The following SNX29 variants were observed in gnomAD, a reference collection of about 807,000 sequenced individuals.
The protein encoded by SNX29 is sorting nexin-29.
In SNX29, 78 loss-of-function variants were observed where a neutral mutation model predicts 102.1. The ratio of observed to expected loss-of-function variants is 0.76; its 90% CI spans 0.64 to 0.92. The LOEUF (loss-of-function observed/expected upper bound fraction) is 0.92. Among genes scored for constraint, SNX29 ranks in the 40% least tolerant of loss-of-function variants. SNX29 has a pLI of 0.00. For missense variants in SNX29, 1,280 were observed against 1,061.7 expected (o/e 1.21, Z -2.86); for synonymous variants, 580 against 414.5 (o/e 1.40, Z -4.85).
chr16:12,359,127 G>A (rs2082229383), intron 16 of SNX29, among the ~76,000 whole-genome samples: 2 of 152,138 alleles, frequency 1.3e-5, no homozygotes, highest in Non-Finnish European at 2.9e-5. Flanking sequence ...CGGTCTTGTG[G>A]GACTGAGCCT....
rs2079195775 is a variant in SNX29 at position 12,571,901 on chromosome 16, C to T, written c.*3272C>T. ...TGGAGCTGAGGTTCAAAGCCCCCTG[C>T]ATTTCTCTACTGGCAGGCCCTGGTG... On this transcript the variant is annotated 3_prime_UTR_variant, in exon 21 of 21. Transcript: ENST00000566228. The T allele has an allele frequency of 2.8e-6, 3 of 1,061,982 alleles. No homozygotes were observed. Among genetic ancestry groups the T allele is most frequent in the Non-Finnish European group, 3.4e-6 (3 of 877,176 alleles). 65.8% of individuals were successfully genotyped at this position (1,061,982 alleles called of 1,614,324 possible).
chr16:12,178,179 G>A (rs953229983), intron 13 of SNX29, among the ~76,000 whole-genome samples: 1 of 152,170 alleles, frequency 6.6e-6, no homozygotes, highest in Non-Finnish European at 1.5e-5. Context: ...GGGACAAGAC[G>A]CACAGGGACC....
At chr16:12,014,178 C>T (rs1200777803) in intron 3 of SNX29, among the ~76,000 whole-genome samples, 1 of 152,014 alleles carries the variant, frequency 6.6e-6, no homozygotes, top group Non-Finnish European at 1.5e-5. Context: ...ACTTGGAGAT[C>T]CCATTGACTA....
chr16:12,419,076 A>G (rs1184307717), intron 18 of SNX29, among the ~76,000 whole-genome samples: 2 of 152,116 alleles, frequency 1.3e-5, no homozygotes, highest in East Asian at 3.9e-4. Flanking sequence ...AGAATATCCT[A>G]TCCCAAAATG....
chr16:12,038,610 T>TAGAATTACTGTG (rs1473365915), intron 4 of SNX29: 1 of 152,214 alleles, frequency 6.6e-6, no homozygotes, highest in Non-Finnish European at 1.5e-5. Context: ...ATTCTGGCAG[T>TAGAATTACTGTG]GGAAGCGGAA....
intron 15 of SNX29, among the ~76,000 whole-genome samples, chr16:12,334,402 T>A (rs1015606219): frequency 2.6e-5 from 4 of 152,088 alleles, no homozygotes; most frequent in African/African-American, 9.7e-5. Flanking sequence ...GGGAAAAAAA[T>A]CATCCCCGGG....
intron 19 of SNX29, among the ~76,000 whole-genome samples, chr16:12,488,789 A>T (rs1246848180): frequency 6.6e-6 from 1 of 152,132 alleles, no homozygotes; most frequent in Non-Finnish European, 1.5e-5. Context: ...GTTCCTGGTG[A>T]CAAAGAAAAT....
intron 18 of SNX29, among the ~76,000 whole-genome samples, chr16:12,436,521 A>C (rs1478854075): frequency 1.3e-5 from 2 of 152,168 alleles, no homozygotes; most frequent in Non-Finnish European, 2.9e-5. Context: ...CATACCCCTG[A>C]CTGCTCAGGC....
At chr16:11,986,374 T>A (rs1294710247) in intron 1 of SNX29, among the ~76,000 whole-genome samples, 48 of 131,060 alleles carry the variant, frequency 3.7e-4, no homozygotes, top group Admixed American at 3.9e-4. Context: ...TCCTACAACT[T>A]AAAAAAAAAA....
chr16:12,554,706 G>C (rs541372696), intron 20 of SNX29, among the ~76,000 whole-genome samples: 1 of 152,286 alleles, frequency 6.6e-6, no homozygotes, highest in Admixed American at 6.5e-5. Flanking sequence ...CCCATGCCTG[G>C]TGACAGCTGT....
intron 18 of SNX29, among the ~76,000 whole-genome samples, chr16:12,472,703 C>G (rs2087416943): frequency 6.6e-6 from 1 of 152,116 alleles, no homozygotes; most frequent in Non-Finnish European, 1.5e-5. Flanking sequence ...GAGACCTTAT[C>G]TCTACTAGAG....
At chr16:12,549,583 G>C (rs114576344) in intron 20 of SNX29, among the ~76,000 whole-genome samples, 1 of 152,108 alleles carries the variant, frequency 6.6e-6, no homozygotes, top group Admixed American at 6.5e-5. Flanking sequence ...CCAGCCCTAA[G>C]ACCTGCACCT....
At chr16:12,461,955 CAAAAAAAAAA>C (rs1157975063) in intron 18 of SNX29, among the ~76,000 whole-genome samples, 1 of 25,496 alleles carries the variant, frequency 3.9e-5, no homozygotes, top group African/African-American at 1.5e-4. Context: ...GACTCTGTCT[CAAAAAAAAAA>C]AAAAAAAAAA....
intron 18 of SNX29, among the ~76,000 whole-genome samples, chr16:12,413,512 G>A (rs1415154119): frequency 6.6e-6 from 1 of 152,124 alleles, no homozygotes; most frequent in Admixed American, 6.5e-5. Context: ...GAGACAGCAG[G>A]AAGGATACTG....
chr16:12,562,913 C>G (rs929467679), intron 20 of SNX29, among the ~76,000 whole-genome samples: 2 of 152,162 alleles, frequency 1.3e-5, no homozygotes, highest in Non-Finnish European at 2.9e-5. Context: ...GCTTGAGATT[C>G]GTCCATGTTG....
intron 18 of SNX29, among the ~76,000 whole-genome samples, chr16:12,427,013 A>G (rs770078052): frequency 2.6e-5 from 4 of 152,224 alleles, no homozygotes; most frequent in Non-Finnish European, 5.9e-5. Context: ...TTTATTATAT[A>G]TGCCAGAATG....
intron 19 of SNX29, among the ~76,000 whole-genome samples, chr16:12,500,238 A>G (rs564358063): frequency 6.6e-6 from 1 of 151,800 alleles, no homozygotes; most frequent in Admixed American, 6.6e-5. Flanking sequence ...ACTCAAGCAA[A>G]CCTCGTGCCT....
At chr16:12,336,959 CAA>C (rs1177069751) in intron 15 of SNX29, among the ~76,000 whole-genome samples, 1 of 152,126 alleles carries the variant, frequency 6.6e-6, no homozygotes, top group Admixed American at 6.5e-5. Context: ...AACAAACAAA[CAA>C]ACAAAAAACA....
intron 19 of SNX29, among the ~76,000 whole-genome samples, chr16:12,513,197 C>T (rs929953461): frequency 6.6e-6 from 1 of 151,644 alleles, no homozygotes; most frequent in African/African-American, 2.4e-5. Flanking sequence ...CCTCCCTCTC[C>T]CTTGCCCTGC....
Sources: allele counts gnomAD v4.1 joint callset (sites outside exome capture counted in the v4.1 genomes callset), GRCh38; gene constraint gnomAD v4.1.1; transcripts MANE v1.5; gene names NCBI Gene and HGNC (gene_info 2026-07-23, HGNC 2026-07-21).